The following AKAP10 variants were observed in gnomAD, a reference collection of about 807,000 sequenced individuals.
AKAP10 encodes A-kinase anchor protein 10, mitochondrial.
A neutral mutation model predicts 80.8 loss-of-function variants in AKAP10; 24 were observed. That is an observed-to-expected ratio of 0.30 (90% confidence interval 0.22 to 0.42). The LOEUF (loss-of-function observed/expected upper bound fraction) is 0.42. Ranked by LOEUF, AKAP10 falls within the 10% of genes least tolerant of loss-of-function variation. The pLI is 1.00. For synonymous variants in AKAP10, 291 were observed against 277.7 expected, an observed-to-expected ratio of 1.05 and a Z score of -0.48; for missense variants, 661 against 794.9, an observed-to-expected ratio of 0.83 and a Z score of 2.03.
chr17:19,918,502 A>T (rs935830982), intron 12 of AKAP10, among the ~76,000 whole-genome samples: 1 of 152,172 alleles, frequency 6.6e-6, no homozygotes, highest in African/African-American at 2.4e-5. Context: ...TGGCTAATTT[A>T]GTAGAGACAG....
At chr17:19,928,551 C>T (rs2042898484) in intron 10 of AKAP10, among the ~76,000 whole-genome samples, 1 of 152,162 alleles carries the variant, frequency 6.6e-6, no homozygotes, top group Non-Finnish European at 1.5e-5. Context: ...CTTGACTCAG[C>T]AATTCTACTC....
At chr17:19,907,254 G>A (rs939960567) in intron 14 of AKAP10, among the ~76,000 whole-genome samples, 7 of 152,056 alleles carry the variant, frequency 4.6e-5, no homozygotes, top group Non-Finnish European at 8.8e-5. Context: ...CCGATCTCAG[G>A]TGATCTGCCT....
At chr17:19,934,995 G>A (rs1388246050) in intron 9 of AKAP10, among the ~76,000 whole-genome samples, 1 of 152,104 alleles carries the variant, frequency 6.6e-6, no homozygotes, top group African/African-American at 2.4e-5. Flanking sequence ...CTGGACAATG[G>A]AGTGAAACTC....
Position 19,958,051 on chromosome 17 carries a change from A to C in AKAP10, c.840T>G (p.Ala280=), listed in dbSNP as rs200530308. Residue 280 remains alanine, a synonymous_variant, in exon 4 of 15, where the codon GCT becomes GCG. Coordinates refer to ENST00000225737, the MANE Select transcript of AKAP10 (RefSeq NM_007202.4). ...TTCCTGACAATTCTTTTAGTGGAGAAGCGGGACTATTTCTACTGGCTACTG... is the reference window on the plus strand; with the variant it reads ...TTCCTGACAATTCTTTTAGTGGAGACGCGGGACTATTTCTACTGGCTACTG... ...TLTVASRNSP[A]SPLKELSGKL... 8.1e-6 allele frequency: 13 copies of C among 1,613,568 alleles called. No individual in the cohort carries two copies. Among genetic ancestry groups the C allele is most frequent in the Middle Eastern group, 3.3e-4 (2 of 6,058 alleles).
chr17:19,914,768 C>T (rs1037140287), intron 12 of AKAP10, among the ~76,000 whole-genome samples: 2 of 151,790 alleles, frequency 1.3e-5, no homozygotes, highest in African/African-American at 4.8e-5. Flanking sequence ...GAAGGAGGAA[C>T]CATCCTTGCA....
At chr17:19,949,215 A>G (rs2043170506) in intron 4 of AKAP10, among the ~76,000 whole-genome samples, 1 of 152,144 alleles carries the variant, frequency 6.6e-6, no homozygotes, top group Non-Finnish European at 1.5e-5. Flanking sequence ...AGACATACAC[A>G]AAAAAAGAAA....
intron 12 of AKAP10, among the ~76,000 whole-genome samples, chr17:19,916,078 G>A (rs898149219): frequency 6.6e-6 from 1 of 152,022 alleles, no homozygotes; most frequent in Non-Finnish European, 1.5e-5. Context: ...CTCTAGCTTC[G>A]GGCCTCTATC....
chr17:19,963,087 G>A, intron 2 of AKAP10, 65 bp from the exon 3 acceptor site: 1 of 1,343,038 alleles, frequency 7.4e-7, no homozygotes, highest in Non-Finnish European at 1.0e-6. Flanking sequence ...TCTCATAAAG[G>A]GGCTTTCAGA....
chr17:19,957,932 A>T, intron 4 of AKAP10, 82 bp downstream of exon 4: 1 of 1,372,684 alleles, frequency 7.3e-7, no homozygotes, highest in Non-Finnish European at 9.9e-7. Flanking sequence ...CAATCATTTT[A>T]TTCCTCATCT....
chr17:19,973,053 C>G (rs1015792468), intron 1 of AKAP10, among the ~76,000 whole-genome samples: 1 of 152,194 alleles, frequency 6.6e-6, no homozygotes, highest in Non-Finnish European at 1.5e-5. Context: ...TATCTCAGCT[C>G]ACTGCAACCT....
chr17:19,926,808 G>C lies in AKAP10; in HGVS notation c.1642-2291C>G, dbSNP rs376631336. Among the ~76,000 whole-genome samples the C allele has an allele frequency of 1.8e-4, 28 of 152,320 alleles. No individual in the cohort carries two copies. The South Asian group carries it at 3.3e-3, about 18-fold the overall frequency. On this transcript the variant is annotated intron_variant, in intron 10 of 14. Transcript: ENST00000225737. The stretch of plus-strand genomic sequence containing the variant: ...AAGATACATCCATGTTCACAAATTA[G>C]AAGACAATACTGTTAAGAAGGCAAT...
intron 5 of AKAP10, among the ~76,000 whole-genome samples, chr17:19,944,442 G>C (rs905663006): frequency 1.3e-5 from 2 of 152,084 alleles, no homozygotes; most frequent in Non-Finnish European, 2.9e-5. Context: ...ATGAGGTCAG[G>C]AGATGGAGAC....
intron 12 of AKAP10, among the ~76,000 whole-genome samples, chr17:19,915,991 T>C (rs2042738460): frequency 6.6e-6 from 1 of 152,226 alleles, no homozygotes; most frequent in South Asian, 2.1e-4. Flanking sequence ...CCCAACTCAC[T>C]CACCTTCTAC....
intron 11 of AKAP10, among the ~76,000 whole-genome samples, chr17:19,920,951 TAGAG>T (rs1297985320): frequency 8.1e-6 from 1 of 123,504 alleles, no homozygotes; most frequent in Non-Finnish European, 1.7e-5. Flanking sequence ...TCGAGAAACA[TAGAG>T]AATCTTTTTT....
intron 4 of AKAP10, among the ~76,000 whole-genome samples, chr17:19,951,190 TCA>T (rs1567769106): frequency 3.1e-4 from 26 of 84,840 alleles, no homozygotes; most frequent in African/African-American, 1.1e-3. Context: ...AGGTGGGGGG[TCA>T]GCCCCCGCCC....
chr17:19,935,489 T>C (rs955035996), intron 9 of AKAP10, among the ~76,000 whole-genome samples: 2 of 152,320 alleles, frequency 1.3e-5, no homozygotes, highest in East Asian at 3.9e-4. Flanking sequence ...ACTGTAACTT[T>C]TTAACTGTTT....
At chr17:19,963,504 C>T (rs567786281) in intron 2 of AKAP10, among the ~76,000 whole-genome samples, 1 of 152,238 alleles carries the variant, frequency 6.6e-6, no homozygotes, top group South Asian at 2.1e-4. Flanking sequence ...AGAAAGCATT[C>T]TAAAATACGG....
intron 12 of AKAP10, among the ~76,000 whole-genome samples, chr17:19,917,890 A>G (rs2047371998): frequency 6.6e-6 from 1 of 150,558 alleles, no homozygotes; most frequent in Admixed American, 6.6e-5. Flanking sequence ...CGACAGAGCT[A>G]GACTCTGTCC....
At chr17:19,911,291 A>G (rs1320921503) in intron 12 of AKAP10, among the ~76,000 whole-genome samples, 1 of 152,114 alleles carries the variant, frequency 6.6e-6, no homozygotes, top group East Asian at 1.9e-4. Context: ...TGTTAAAAAA[A>G]CTCAATCTAC....
Sources: gnomAD v4.1 joint callset for allele counts (sites outside exome capture counted in the v4.1 genomes callset) on GRCh38, gnomAD v4.1.1 for gene constraint, MANE v1.5 for transcripts, NCBI Gene and HGNC (gene_info 2026-07-23, HGNC 2026-07-21) for gene names.